Variants in SAMSN1 observed in about 807,000 individuals in gnomAD.
SAMSN1 encodes the protein SAM domain-containing protein SAMSN-1.
In SAMSN1, 31 loss-of-function variants were observed where a neutral mutation model predicts 42.0. The ratio of observed to expected loss-of-function variants is 0.74; its 90% CI spans 0.55 to 1.00. The LOEUF (loss-of-function observed/expected upper bound fraction) is 1.00, where lower values mean the gene tolerates loss of function less well. SAMSN1 is among the 50% of genes least tolerant of loss of function. SAMSN1 has a pLI of 0.00. For missense variants in SAMSN1, 464 were observed against 439.4 expected (o/e 1.06, Z -0.50); for synonymous variants, 178 against 151.9 (o/e 1.17, Z -1.26).
intron 7 of SAMSN1, among the ~76,000 whole-genome samples, chr21:14,592,936 C>T (rs534623932): frequency 3.3e-5 from 5 of 152,196 alleles, no homozygotes; most frequent in African/African-American, 7.2e-5. Context: ...TTTCCCACAG[C>T]TTTTTGATAT....
chr21:14,610,317 G>T (rs1982671070), intron 4 of SAMSN1, among the ~76,000 whole-genome samples: 1 of 152,144 alleles, frequency 6.6e-6, no homozygotes, highest in South Asian at 2.1e-4. Flanking sequence ...TATGGATAGG[G>T]ATGAAACATG....
chr21:14,506,327 A>G (rs958432014), intron 5 of SAMSN1, among the ~76,000 whole-genome samples: 1 of 151,956 alleles, frequency 6.6e-6, no homozygotes, highest in African/African-American at 2.4e-5. Flanking sequence ...CATTAGTAAG[A>G]ATTCAAATAA....
intron 6 of SAMSN1, among the ~76,000 whole-genome samples, chr21:14,596,267 T>TCTA (rs1975997786): frequency 6.6e-6 from 1 of 152,188 alleles, no homozygotes; most frequent in African/African-American, 2.4e-5. Flanking sequence ...TTGAAAGTCT[T>TCTA]CTACTATTAA....
In SAMSN1 at chr21:14,500,543, T is replaced by A. The variant is rs566624433; in HGVS notation, c.754A>T (p.Arg252Trp). ...KSKTLQEFLE[R>W]IHLQEYTSTL... Reference sequence around the variant, plus strand: ...GATTTGCTCACCTGCAGATGAATCCTCTCTAGGAACTCCTGCAGAGTCTTG... The same window carrying A: ...GATTTGCTCACCTGCAGATGAATCCACTCTAGGAACTCCTGCAGAGTCTTG... Residue 252 changes from arginine (R) to tryptophan (W), a missense_variant, in exon 6 of 8, where the codon AGG becomes TGG. Arg to Trp is a moderately radical substitution (Grantham distance 101). Coordinates refer to ENST00000400566, the MANE Select transcript of SAMSN1 (RefSeq NM_022136.5). 3.1e-6 allele frequency: 5 copies of A among 1,614,036 alleles called. No homozygotes were observed. The African/African-American group carries it at 6.7e-5, about 22-fold the overall frequency.
At chr21:14,529,998 T>C (rs1979137287) in intron 1 of SAMSN1, among the ~76,000 whole-genome samples, 1 of 152,144 alleles carries the variant, frequency 6.6e-6, no homozygotes. Flanking sequence ...TGTATAATTG[T>C]TAAACAAGAG....
chr21:14,602,072 T>C (rs751614831), exon 6 of SAMSN1: 3 of 692,650 alleles, frequency 4.3e-6, no homozygotes, highest in Admixed American at 2.1e-5. Context: ...ATGTATGTTG[T>C]TACTTAGAAA....
chr21:14,648,101 C>A lies in SAMSN1; in HGVS notation c.25-4968G>T, dbSNP rs1313176175. Among the ~76,000 whole-genome samples the A allele has an allele frequency of 7.3e-5, 11 of 151,042 alleles. No individual in the cohort carries two copies. In the East Asian group the frequency reaches 2.2e-3, roughly 30 times the overall value. On this transcript the variant is annotated intron_variant, in intron 1 of 15. Transcript: ENST00000647101. ...GGAATGCTTCCAGTTTTTGCCCATT[C>A]AGTATGATATTGGCTGTGGGTTTGT...
intron 1 of SAMSN1, among the ~76,000 whole-genome samples, chr21:14,536,143 G>A (rs901016471): frequency 6.6e-6 from 1 of 152,098 alleles, no homozygotes; most frequent in Non-Finnish European, 1.5e-5. Flanking sequence ...TTTAACACTA[G>A]AAAGGAGGAG....
In SAMSN1 at chr21:14,621,336, C is replaced by T. The variant is rs1982998725; in HGVS notation, c.157-5320G>A. 2.0e-5 allele frequency among the ~76,000 whole-genome samples: 3 copies of T among 152,204 alleles called. No individual in the cohort carries two copies. In the South Asian group the frequency reaches 6.2e-4, roughly 32 times the overall value. ...GCAGCCCACTGAGTGTGAGCCGAAG[C>T]AGGACAAGGCATCGCCTCACCTGGG... On this transcript the variant is annotated intron_variant, in intron 2 of 15. Transcript: ENST00000647101.
intron 2 of SAMSN1, among the ~76,000 whole-genome samples, chr21:14,633,166 T>A (rs1454751132): frequency 6.6e-6 from 1 of 151,968 alleles, no homozygotes; most frequent in Non-Finnish European, 1.5e-5. Flanking sequence ...GAAACACCAG[T>A]CTAGATGTTG....
At chr21:14,640,716 G>A (rs573320271) in intron 2 of SAMSN1, among the ~76,000 whole-genome samples, 25 of 151,764 alleles carry the variant, frequency 1.6e-4, no homozygotes, top group South Asian at 2.1e-4. Context: ...ATTTTCATTC[G>A]GAATATAATA....
At chr21:14,626,868 G>C (rs1983190991) in intron 2 of SAMSN1, among the ~76,000 whole-genome samples, 1 of 152,212 alleles carries the variant, frequency 6.6e-6, no homozygotes, top group African/African-American at 2.4e-5. Flanking sequence ...CAAAGACTTG[G>C]AACCAACCCA....
At chr21:14,627,593 G>A (rs1464726278) in intron 2 of SAMSN1, among the ~76,000 whole-genome samples, 1 of 152,150 alleles carries the variant, frequency 6.6e-6, no homozygotes, top group Non-Finnish European at 1.5e-5. Context: ...TTGAAAGGTG[G>A]TTCTACAAAT....
intron 2 of SAMSN1, chr21:14,582,099 A>G: frequency 6.7e-7 from 1 of 1,490,080 alleles, no homozygotes; most frequent in Non-Finnish European, 9.0e-7. Flanking sequence ...ACAAAACCCC[A>G]GATAAGATGA....
chr21:14,541,608 G>A lies in SAMSN1; in HGVS notation c.57+4597C>T, dbSNP rs546163697. On this transcript the variant is annotated intron_variant, in intron 1 of 7. Transcript: ENST00000400566. ...GTCCAAGAAAATTCTTCTTCTTCCA[G>A]TGTGGCCCAGGAAGGCCAAAAGATT... Among the ~76,000 whole-genome samples, 157 of 152,258 alleles carry A rather than the reference G, an allele frequency of 1.0e-3. 1 individual carries two copies. Among genetic ancestry groups the A allele is most frequent in the Non-Finnish European group, 2.0e-3 (134 of 68,026 alleles).
At chr21:14,540,282 A>G (rs896367540) in intron 1 of SAMSN1, among the ~76,000 whole-genome samples, 2 of 152,222 alleles carry the variant, frequency 1.3e-5, no homozygotes, top group Non-Finnish European at 2.9e-5. Flanking sequence ...AAAAGCCAAA[A>G]TTGACAAATG....
chr21:14,648,641 T>G (rs1983767205), intron 1 of SAMSN1, among the ~76,000 whole-genome samples: 1 of 151,360 alleles, frequency 6.6e-6, no homozygotes, highest in South Asian at 2.1e-4. Context: ...AAAGAAGACA[T>G]TTATGCAGCC....
chr21:14,541,143 AG>A (rs754885781), intron 1 of SAMSN1, among the ~76,000 whole-genome samples: 7 of 86,878 alleles, frequency 8.1e-5, no homozygotes, highest in Non-Finnish European at 1.2e-4. Flanking sequence ...GGGTTGGGGG[AG>A]GGGGGAGGGA....
chr21:14,544,730 C>G (rs1361832750), intron 1 of SAMSN1, among the ~76,000 whole-genome samples: 1 of 152,050 alleles, frequency 6.6e-6, no homozygotes, highest in Non-Finnish European at 1.5e-5. Flanking sequence ...AGTTACTGCT[C>G]TTAAGCCAAA....
Sources: gnomAD v4.1 joint callset for allele counts (sites outside exome capture counted in the v4.1 genomes callset) on GRCh38, gnomAD v4.1.1 for gene constraint, MANE v1.5 for transcripts, NCBI Gene and HGNC (gene_info 2026-07-23, HGNC 2026-07-21) for gene names.